DLG2: variants seen among roughly 807,000 people sequenced by gnomAD.
DLG2 encodes discs large MAGUK scaffold protein 2.
DLG2 carries 45 observed loss-of-function variants against 132.5 expected under a neutral mutation model. That is an observed-to-expected ratio of 0.34 (90% confidence interval 0.27 to 0.44). The LOEUF (loss-of-function observed/expected upper bound fraction) is 0.44, where lower values mean the gene tolerates loss of function less well. Among genes scored for constraint, DLG2 ranks in the 20% least tolerant of loss-of-function variants. The probability of loss-of-function intolerance (pLI) is 1.00; values close to 1 mark genes in which losing one functional copy is unlikely to be tolerated. For synonymous variants in DLG2, 424 were observed against 419.6 expected (o/e 1.01, Z -0.13); for missense variants, 1,045 against 1,196.9 (o/e 0.87, Z 1.87).
Position 83,820,555 on chromosome 11 carries a change from C to T in DLG2, c.1722+13059G>A, listed in dbSNP as rs182191543. On this transcript the variant is annotated intron_variant, in intron 17 of 27. Transcript: ENST00000376104. ...GGCTGAAAAGTCCAGACCTTGGTAC[C>T]TGCTTTCAGAGTGATTTGTCTCATC... 3.3e-5 allele frequency among the ~76,000 whole-genome samples: 5 copies of T among 152,174 alleles called. No individual in the cohort carries two copies. The East Asian group carries it at 9.7e-4, about 29-fold the overall frequency.
chr11:84,461,019 T>A (rs747050500), intron 7 of DLG2, among the ~76,000 whole-genome samples: 6 of 150,822 alleles, frequency 4.0e-5, no homozygotes, highest in Non-Finnish European at 8.9e-5. Flanking sequence ...ATACATGAAA[T>A]GGCCCCTGAA....
At chr11:84,186,279 C>A (rs2096274387) in intron 8 of DLG2, among the ~76,000 whole-genome samples, 1 of 151,994 alleles carries the variant, frequency 6.6e-6, no homozygotes, top group Non-Finnish European at 1.5e-5. Context: ...TTTGTTATTT[C>A]TCTGTACTTC....
At chr11:84,462,927 C>G (rs2099084343) in intron 7 of DLG2, among the ~76,000 whole-genome samples, 1 of 151,118 alleles carries the variant, frequency 6.6e-6, no homozygotes, top group African/African-American at 2.4e-5. Flanking sequence ...TGAGTTTTAC[C>G]AAATTTTTAA....
intron 6 of DLG2, among the ~76,000 whole-genome samples, chr11:84,540,957 T>C (rs1377885006): frequency 6.6e-6 from 1 of 151,920 alleles, no homozygotes; most frequent in African/African-American, 2.4e-5. Flanking sequence ...AACCAAACAC[T>C]GCATGTTCTC....
chr11:84,502,700 G>A (rs2099224560), intron 7 of DLG2, among the ~76,000 whole-genome samples: 1 of 151,776 alleles, frequency 6.6e-6, no homozygotes, highest in Non-Finnish European at 1.5e-5. Context: ...GACAGCCCAG[G>A]TTATTTTCTT....
At chr11:83,760,434 C>G (rs2093850067) in intron 18 of DLG2, among the ~76,000 whole-genome samples, 1 of 152,068 alleles carries the variant, frequency 6.6e-6, no homozygotes, top group Non-Finnish European at 1.5e-5. Context: ...AATGCCTGCT[C>G]ACTTTCTTCT....
At chr11:85,409,728 G>C (rs1044396308) in intron 3 of DLG2, among the ~76,000 whole-genome samples, 1 of 151,748 alleles carries the variant, frequency 6.6e-6, no homozygotes, top group Non-Finnish European at 1.5e-5. Context: ...TTGAACTCTG[G>C]TTCTGACACA....
intron 9 of DLG2, among the ~76,000 whole-genome samples, chr11:84,102,936 C>T (rs983032330): frequency 6.6e-6 from 1 of 152,004 alleles, no homozygotes; most frequent in African/African-American, 2.4e-5. Flanking sequence ...ATATACATTC[C>T]CCTGTCCCCA....
At chr11:84,632,374 GA>G (rs1046870747) in intron 6 of DLG2, among the ~76,000 whole-genome samples, 9 of 149,698 alleles carry the variant, frequency 6.0e-5, no homozygotes, top group African/African-American at 9.8e-5. Context: ...CATGTTTGAA[GA>G]AAAAAAAATT....
At chr11:84,017,255 G>T (rs750266305) in intron 11 of DLG2, among the ~76,000 whole-genome samples, 1 of 151,968 alleles carries the variant, frequency 6.6e-6, no homozygotes, top group Non-Finnish European at 1.5e-5. Flanking sequence ...TTTGAATAAT[G>T]CATTACATAA....
At chr11:85,041,669 T>C (rs2061880184) in intron 6 of DLG2, among the ~76,000 whole-genome samples, 1 of 151,918 alleles carries the variant, frequency 6.6e-6, no homozygotes, top group Non-Finnish European at 1.5e-5. Context: ...TGCAGTACAG[T>C]AGTGGTGATT....
In DLG2 at chr11:83,861,848, T is replaced by A. The variant is rs1167418138; in HGVS notation, c.1565+12572A>T. ...GGGTGAGTAAAGTCAATAATAATTG[T>A]ACATTTTAAAATAACTCAAAGAGTA... On this transcript the variant is annotated intron_variant, in intron 16 of 27. Transcript: ENST00000376104. 5.9e-5 allele frequency among the ~76,000 whole-genome samples: 9 copies of A among 152,276 alleles called. No individual in the cohort carries two copies. In the East Asian group the frequency reaches 1.5e-3, roughly 26 times the overall value.
intron 6 of DLG2, among the ~76,000 whole-genome samples, chr11:84,736,729 A>G (rs552255562): frequency 1.3e-5 from 2 of 152,066 alleles, no homozygotes; most frequent in South Asian, 4.1e-4. Flanking sequence ...AAGTTTGTAT[A>G]TTGTCCTTTT....
intron 3 of DLG2, among the ~76,000 whole-genome samples, chr11:85,520,852 A>G (rs2074253700): frequency 6.6e-6 from 1 of 152,182 alleles, no homozygotes; most frequent in Non-Finnish European, 1.5e-5. Flanking sequence ...TGCCATATAC[A>G]AAAATCAAAT....
intron 7 of DLG2, among the ~76,000 whole-genome samples, chr11:84,377,605 G>T (rs913065948): frequency 5.3e-4 from 81 of 152,018 alleles, no homozygotes; most frequent in African/African-American, 1.9e-3. Context: ...TAAAAAGAAA[G>T]AAGAAGAACA....
chr11:84,624,225 C>A (rs1259586694), intron 6 of DLG2, among the ~76,000 whole-genome samples: 2 of 151,968 alleles, frequency 1.3e-5, no homozygotes, highest in Non-Finnish European at 2.9e-5. Flanking sequence ...AGTGTATTTT[C>A]CTGTTTTTCT....
intron 4 of DLG2, among the ~76,000 whole-genome samples, chr11:85,160,294 T>G (rs557387043): frequency 6.6e-6 from 1 of 152,324 alleles, no homozygotes; most frequent in Admixed American, 6.5e-5. Context: ...GCTCTGCCAT[T>G]TGCGCCATAT....
At chr11:84,811,090 C>T (rs760651538) in intron 6 of DLG2, among the ~76,000 whole-genome samples, 8 of 152,100 alleles carry the variant, frequency 5.3e-5, no homozygotes, top group South Asian at 2.1e-4. Context: ...GGGGATCTAA[C>T]GCTCTGTATT....
rs139180367 is a variant in DLG2, at chr11:84,453,958, A to T, written c.519+80612T>A. 3.2e-3 allele frequency among the ~76,000 whole-genome samples: 487 copies of T among 151,606 alleles called. 22 individuals carry two copies. In the East Asian group the frequency reaches 0.087, roughly 27 times the overall value. Reference sequence around the variant, plus strand: ...CATTTCCTTTGTTGTTTTCTTTGGTATTTGGTGCAGTCTTTGCAAAATTCT... The same window carrying T: ...CATTTCCTTTGTTGTTTTCTTTGGTTTTTGGTGCAGTCTTTGCAAAATTCT... On this transcript the variant is annotated intron_variant, in intron 7 of 27. Transcript: ENST00000376104.
Sources: allele counts gnomAD v4.1 joint callset (sites outside exome capture counted in the v4.1 genomes callset), GRCh38; gene constraint gnomAD v4.1.1; transcripts MANE v1.5; gene names NCBI Gene and HGNC (gene_info 2026-07-23, HGNC 2026-07-21).